Variants in FGGY observed in about 807,000 individuals in gnomAD.
FGGY encodes the protein FGGY carbohydrate kinase domain-containing protein.
Under a neutral mutation model 71.3 loss-of-function variants are expected in FGGY, and 72 were observed. That is an observed-to-expected ratio of 1.01 (90% CI 0.84 to 1.23). The LOEUF (loss-of-function observed/expected upper bound fraction) is 1.23, where lower values mean the gene tolerates loss of function less well. Ranked by LOEUF, FGGY falls within the 50% of genes most tolerant of loss-of-function variation. FGGY has a pLI of 0.00. For synonymous variants in FGGY, 251 were observed against 250.3 expected (o/e 1.00, Z -0.02); for missense variants, 668 against 682.3 (o/e 0.98, Z 0.23).
intron 6 of FGGY, among the ~76,000 whole-genome samples, chr1:59,458,130 T>C (rs12090720): frequency 6.6e-6 from 1 of 152,190 alleles, no homozygotes; most frequent in Non-Finnish European, 1.5e-5. Context: ...AATTTCAGCT[T>C]CAGTTACCTA....
At chr1:59,417,628 T>C (rs2064697688) in intron 5 of FGGY, among the ~76,000 whole-genome samples, 1 of 152,218 alleles carries the variant, frequency 6.6e-6, no homozygotes, top group East Asian at 1.9e-4. Flanking sequence ...TGTTTGTTTT[T>C]ATTATAACCA....
intron 14 of FGGY, among the ~76,000 whole-genome samples, chr1:59,739,268 G>C (rs1305419904): frequency 6.6e-6 from 1 of 152,118 alleles, no homozygotes; most frequent in Non-Finnish European, 1.5e-5. Context: ...ATCTTGTTCT[G>C]TCCTTGCCTC....
intron 8 of FGGY, 70 bp downstream of exon 8, chr1:59,554,297 C>A: frequency 1.7e-6 from 2 of 1,205,376 alleles, no homozygotes; most frequent in South Asian, 1.4e-5. Context: ...ACCCTGAGTG[C>A]TGGCTTCTTC....
intron 8 of FGGY, among the ~76,000 whole-genome samples, chr1:59,588,939 A>G (rs2096369316): frequency 6.6e-6 from 1 of 152,200 alleles, no homozygotes; most frequent in African/African-American, 2.4e-5. Context: ...ACACATAACA[A>G]TATTAACTTT....
At chr1:59,480,247 C>T (rs971743010) in intron 6 of FGGY, among the ~76,000 whole-genome samples, 5 of 152,156 alleles carry the variant, frequency 3.3e-5, no homozygotes, top group South Asian at 2.1e-4. Flanking sequence ...ACCAAAAACC[C>T]GAATTATGGT....
chr1:59,598,713 TAGA>T (rs1304930213), intron 8 of FGGY, among the ~76,000 whole-genome samples: 1 of 152,194 alleles, frequency 6.6e-6, no homozygotes. Context: ...AACCCCCAAA[TAGA>T]AGAGGAAAAT....
chr1:59,624,781 T>C (rs2096841474), intron 9 of FGGY, among the ~76,000 whole-genome samples: 1 of 152,172 alleles, frequency 6.6e-6, no homozygotes, highest in Non-Finnish European at 1.5e-5. Flanking sequence ...GCGCCCATGA[T>C]TCAGTTGTTT....
chr1:59,662,683 G>A (rs1274415353), intron 12 of FGGY, among the ~76,000 whole-genome samples: 1 of 152,072 alleles, frequency 6.6e-6, no homozygotes, highest in Non-Finnish European at 1.5e-5. Flanking sequence ...TACCATTGTG[G>A]TACAGTTGCC....
At chr1:59,361,249 A>G (rs1185700341) in intron 4 of FGGY, among the ~76,000 whole-genome samples, 2 of 152,210 alleles carry the variant, frequency 1.3e-5, no homozygotes, top group Non-Finnish European at 2.9e-5. Flanking sequence ...TTTGTTAAAT[A>G]TTGGGAATAT....
intron 6 of FGGY, among the ~76,000 whole-genome samples, chr1:59,493,096 A>ACACACAC (rs1553245704): frequency 7.0e-6 from 1 of 143,024 alleles, no homozygotes; most frequent in Non-Finnish European, 1.5e-5. Flanking sequence ...TACCAAACAA[A>ACACACAC]ACACACACAC....
chr1:59,721,841 C>G (rs2097899687), intron 14 of FGGY, among the ~76,000 whole-genome samples: 1 of 152,004 alleles, frequency 6.6e-6, no homozygotes, highest in South Asian at 2.1e-4. Context: ...TTAGCATTAG[C>G]TGGGCCCAAG....
rs187680114 is a variant in FGGY, at chr1:59,616,712, G to T, written c.1011+8802G>T. On this transcript the variant is annotated intron_variant, in intron 9 of 15. Transcript: ENST00000303721. ...TTACTGAGTATTTTTTTGTGAGAGG[G>T]ATTTATAGACATAATTCTGTTAAAC... 2.0e-5 allele frequency among the ~76,000 whole-genome samples: 3 copies of T among 151,892 alleles called. No individual in the cohort carries two copies. In the East Asian group the frequency reaches 5.8e-4, roughly 29 times the overall value.
At chr1:59,297,728 C>G (rs2042167578) in intron 1 of FGGY, among the ~76,000 whole-genome samples, 2 of 151,538 alleles carry the variant, frequency 1.3e-5, no homozygotes, top group Non-Finnish European at 2.9e-5. Flanking sequence ...GAGGCTGAGG[C>G]AGGAGAATAG....
At chr1:59,506,275 T>A (rs548554631) in intron 6 of FGGY, among the ~76,000 whole-genome samples, 4 of 152,164 alleles carry the variant, frequency 2.6e-5, no homozygotes, top group Non-Finnish European at 5.9e-5. Flanking sequence ...TCCCAACCCA[T>A]GCTGTGACAA....
chr1:59,665,279 G>A (rs1053547391), intron 12 of FGGY, among the ~76,000 whole-genome samples: 1 of 152,146 alleles, frequency 6.6e-6, no homozygotes, highest in Non-Finnish European at 1.5e-5. Context: ...GCCCTAGTTA[G>A]TATGTAGGAT....
At chr1:59,414,072 T>C (rs978830664) in intron 5 of FGGY, among the ~76,000 whole-genome samples, 3 of 152,218 alleles carry the variant, frequency 2.0e-5, no homozygotes, top group African/African-American at 4.8e-5. Context: ...TATTAAAATA[T>C]GTTGAATTCT....
chr1:59,740,438 G>T (rs886269370), intron 14 of FGGY, among the ~76,000 whole-genome samples: 2 of 152,212 alleles, frequency 1.3e-5, no homozygotes, highest in African/African-American at 4.8e-5. Context: ...CCGGTAGTGA[G>T]CTGGGGCTAG....
chr1:59,375,155 G>C (rs965089321), intron 4 of FGGY, among the ~76,000 whole-genome samples: 2 of 150,986 alleles, frequency 1.3e-5, no homozygotes, highest in African/African-American at 2.4e-5. Flanking sequence ...AGCTACTCGG[G>C]AGGCTGAGGC....
Position 59,762,566 on chromosome 1 carries a change from G to A in FGGY, c.1638G>A (p.Ala546=), listed in dbSNP as rs137970847. The change falls in exon 16 of 16, where the codon GCG becomes GCA. Residue 546 remains alanine (A), a synonymous_variant. Transcript: ENST00000303721. The stretch of plus-strand genomic sequence containing the variant: ...TTGAACACCAGAAGGAGTATTTGGC[G>A]ATCATGAATGATGACTGAACAGGGC... ...KLVEHQKEYL[A]IMNDD 1.8e-4 allele frequency: 296 copies of A among 1,613,714 alleles called. 2 individuals carry two copies. In the African/African-American group the frequency reaches 3.0e-3, roughly 16 times the overall value.
Sources: gnomAD v4.1 joint callset for allele counts (sites outside exome capture counted in the v4.1 genomes callset) on GRCh38, gnomAD v4.1.1 for gene constraint, MANE v1.5 for transcripts, NCBI Gene and HGNC (gene_info 2026-07-23, HGNC 2026-07-21) for gene names.